Variants in RABEP1 observed in about 807,000 individuals in gnomAD.
The protein encoded by RABEP1 is rabaptin, RAB GTPase binding effector protein 1, also known as rab GTPase-binding effector protein 1.
A neutral mutation model predicts 123.4 loss-of-function variants in RABEP1; 51 were observed. The observed-to-expected ratio is 0.41, with a 90% CI of 0.33 to 0.52. The LOEUF is 0.52. RABEP1 is among the 20% of genes least tolerant of loss of function. RABEP1 has a pLI of 0.16. For missense variants in RABEP1, 888 were observed against 996.3 expected (o/e 0.89, Z 1.46); for synonymous variants, 347 against 355.2 (o/e 0.98, Z 0.26).
Position 5,323,839 on chromosome 17 carries a change from A to AATATATATATATATCTAGGAATAT in RABEP1, c.164-8099_164-8076dup, listed in dbSNP as rs1567522282. ...CTAGGAATATATATATATATCTAGG[A>AATATATATATATATCTAGGAATAT]ATATATATATATATCTAGGAATATA... On this transcript the variant is annotated intron_variant, in intron 2 of 17. Transcript: ENST00000537505. Among the ~76,000 whole-genome samples the AATATATATATATATCTAGGAATAT allele has an allele frequency of 3.9e-3, 275 of 70,256 alleles. 50 individuals are homozygous for AATATATATATATATCTAGGAATAT. Among genetic ancestry groups the AATATATATATATATCTAGGAATAT allele is most frequent in the East Asian group, 9.7e-3 (20 of 2,062 alleles). The allele number at this position is 70,256 out of a possible 152,430, so 46.1% of individuals were successfully genotyped here.
chr17:5,357,916 G>C lies in RABEP1; in HGVS notation c.1096-3292G>C, dbSNP rs78768817. 4.3e-3 allele frequency among the ~76,000 whole-genome samples: 660 copies of C among 152,266 alleles called. 5 individuals are homozygous for C. The highest frequency in any genetic ancestry group is 0.014 in the African/African-American group (593 of 41,536). On this transcript the variant is annotated intron_variant, in intron 8 of 17. Transcript: ENST00000537505. ...AAAGTGGAGCAGAGCAGAGGGTTTA[G>C]GACTGGCTGGTAATTAATTCCAGCA...
chr17:5,365,495 C>T (rs1040556068), intron 11 of RABEP1, among the ~76,000 whole-genome samples: 4 of 152,008 alleles, frequency 2.6e-5, no homozygotes, highest in Admixed American at 1.3e-4. Context: ...GTTAGGTTTT[C>T]CTGCTGCACT....
intron 12 of RABEP1, among the ~76,000 whole-genome samples, chr17:5,372,453 G>GA (rs1213466079): frequency 2.0e-5 from 3 of 151,742 alleles, no homozygotes; most frequent in African/African-American, 4.8e-5. Context: ...TGTCTCAAAA[G>GA]AAAAAAAAGA....
intron 1 of RABEP1, among the ~76,000 whole-genome samples, chr17:5,284,683 C>G (rs1184795912): frequency 6.6e-6 from 1 of 151,904 alleles, no homozygotes; most frequent in Non-Finnish European, 1.5e-5. Context: ...CTAGGCTGGT[C>G]CCAAACTCCT....
At chr17:5,333,431 G>A (rs2144603630) in intron 3 of RABEP1, among the ~76,000 whole-genome samples, 1 of 152,234 alleles carries the variant, frequency 6.6e-6, no homozygotes, top group East Asian at 1.9e-4. Flanking sequence ...CAAAGTGCTG[G>A]GATTACAGGT....
At chr17:5,322,211 A>T (rs574340845) in intron 2 of RABEP1, among the ~76,000 whole-genome samples, 2 of 152,254 alleles carry the variant, frequency 1.3e-5, no homozygotes, top group Non-Finnish European at 2.9e-5. Context: ...AAAAAAAATT[A>T]GCCAGGCATG....
At position 5,362,912 on chromosome 17, in the gene RABEP1, G is replaced by A. The variant is rs373107009; in HGVS notation, c.1564G>A (p.Val522Ile). ...AAGAGGTAATTTTGGTGCCCTTCAG[G>A]TACATAATGCTGGAAATAAACTTGG... Reference protein sequence around the residue: ...ETEWNLLQKEVHNAGNKLGRR... With the variant: ...ETEWNLLQKEIHNAGNKLGRR... Residue 522 changes from valine (V) to isoleucine (I), a missense_variant and splice_region_variant, in exon 10 of 18, where the codon GTA becomes ATA. Val to Ile is a conservative substitution (Grantham distance 29). Coordinates refer to ENST00000537505, the MANE Select transcript of RABEP1 (RefSeq NM_004703.6). 5 of 1,609,410 alleles carry A rather than the reference G, an allele frequency of 3.1e-6. No individual in the cohort carries two copies. Among genetic ancestry groups the A allele is most frequent in the Non-Finnish European group, 4.3e-6 (5 of 1,175,798 alleles).
At chr17:5,354,610 A>T (rs1001017077) in intron 8 of RABEP1, 120 bp downstream of exon 8, 16 of 871,224 alleles carry the variant, frequency 1.8e-5, no homozygotes, top group Admixed American at 3.5e-5. Flanking sequence ...TACGAGGTGA[A>T]AGTTAGATAA....
At chr17:5,340,402 A>C (rs1037716789) in intron 5 of RABEP1, among the ~76,000 whole-genome samples, 5 of 152,222 alleles carry the variant, frequency 3.3e-5, no homozygotes, top group African/African-American at 1.2e-4. Flanking sequence ...CTGTATGGCT[A>C]TTATGAGGAA....
chr17:5,365,932 T>A (rs1198316209), intron 11 of RABEP1, among the ~76,000 whole-genome samples: 1 of 152,258 alleles, frequency 6.6e-6, no homozygotes, highest in Non-Finnish European at 1.5e-5. Context: ...GATGGATATT[T>A]CAGTTGTTTC....
intron 2 of RABEP1, among the ~76,000 whole-genome samples, chr17:5,313,502 A>T (rs62075066): frequency 0.011 from 1,634 of 152,332 alleles, 15 homozygotes; most frequent in Non-Finnish European, 0.018. Context: ...CTTTGAAATT[A>T]TAAAATAGAA....
chr17:5,335,035 A>G, intron 3 of RABEP1, 149 bp from the exon 4 acceptor site: 1 of 578,786 alleles, frequency 1.7e-6, no homozygotes, highest in Non-Finnish European at 3.0e-6. Context: ...TATAATAAGA[A>G]CTACAACTAG....
chr17:5,311,824 G>T (rs1449511424), intron 2 of RABEP1, among the ~76,000 whole-genome samples: 1 of 151,472 alleles, frequency 6.6e-6, no homozygotes, highest in African/African-American at 2.4e-5. Flanking sequence ...ATTATTTACT[G>T]CTAGAAAAAG....
rs201640320 is a variant in RABEP1, at chr17:5,373,459, C to T, written c.2025+5C>T. ...ATCCTCCCAGACACTACAGAGGTAA[C>T]TTACTTTCCACATGATCAAAAATGT... is the stretch of plus-strand genomic sequence containing the variant. On this transcript the variant is annotated splice_donor_5th_base_variant and intron_variant, in intron 13 of 17. Transcript: ENST00000537505. The T allele has an allele frequency of 3.8e-6, 6 of 1,593,086 alleles. No individual in the cohort carries two copies. The East Asian group carries it at 1.4e-4, about 36-fold the overall frequency.
At chr17:5,311,715 A>AC (rs1415796468) in intron 2 of RABEP1, among the ~76,000 whole-genome samples, 2 of 151,306 alleles carry the variant, frequency 1.3e-5, no homozygotes, top group African/African-American at 2.4e-5. Flanking sequence ...AAAAAAAAAA[A>AC]AAAAACAGAC....
intron 7 of RABEP1, among the ~76,000 whole-genome samples, chr17:5,353,131 C>A (rs1908710711): frequency 6.6e-6 from 1 of 152,192 alleles, no homozygotes; most frequent in South Asian, 2.1e-4. Context: ...TCCTTTACTT[C>A]TCATGTGCCT....
At position 5,323,759 on chromosome 17, in the gene RABEP1, A is replaced by AAT. The variant is rs773956696; in HGVS notation, c.164-8177_164-8176dup. ...ATCTAGGAATATATATATATCTAGGAATATATATATATATCTAGGAATATA... is the reference window on the plus strand; with the variant it reads ...ATCTAGGAATATATATATATCTAGGAATATATATATATATATCTAGGAATATA... On this transcript the variant is annotated intron_variant, in intron 2 of 17. Transcript: ENST00000537505. Among the ~76,000 whole-genome samples the AAT allele has an allele frequency of 1.6e-3, 105 of 66,012 alleles. 5 individuals carry two copies. Among genetic ancestry groups the AAT allele is most frequent in the Non-Finnish European group, 2.5e-3 (84 of 33,262 alleles). The allele number at this position is 66,012 out of a possible 152,430, so 43.3% of individuals were successfully genotyped here. A position where few individuals can be genotyped will look rare whatever the true frequency, so the allele number is the denominator to read the frequency against.
intron 17 of RABEP1, 185 bp downstream of exon 17, chr17:5,381,690 TTTTTC>T: frequency 6.8e-6 from 7 of 1,032,202 alleles, no homozygotes; most frequent in Non-Finnish European, 8.9e-6. Flanking sequence ...ACTTGGCCCA[TTTTTC>T]TTTTTCTGTA....
At chr17:5,360,112 C>T (rs184566083) in intron 8 of RABEP1, among the ~76,000 whole-genome samples, 108 of 152,324 alleles carry the variant, frequency 7.1e-4, no homozygotes, top group African/African-American at 2.5e-3. Context: ...TTTCCCTTTG[C>T]CCTAGCCTCT....
Sources: allele counts gnomAD v4.1 joint callset (sites outside exome capture counted in the v4.1 genomes callset), GRCh38; gene constraint gnomAD v4.1.1; transcripts MANE v1.5; gene names NCBI Gene and HGNC (gene_info 2026-07-23, HGNC 2026-07-21).